The following ING3 variants were observed in gnomAD, a reference collection of about 807,000 sequenced individuals.
ING3 encodes inhibitor of growth family member 3.
A neutral mutation model predicts 64.8 loss-of-function variants in ING3; 6 were observed. That is an observed-to-expected ratio of 0.09 (90% CI 0.05 to 0.18). The LOEUF (loss-of-function observed/expected upper bound fraction) is 0.18, where lower values mean the gene tolerates loss of function less well. Among genes scored for constraint, ING3 ranks in the 10% least tolerant of loss-of-function variants. ING3 has a pLI of 1.00. For missense variants in ING3, 310 were observed against 489.7 expected (o/e 0.63, Z 3.46); for synonymous variants, 170 against 173.7 (o/e 0.98, Z 0.17).
At chr7:120,952,804 A>G (rs867491117) in intron 2 of ING3, among the ~76,000 whole-genome samples, 29 of 151,714 alleles carry the variant, frequency 1.9e-4, no homozygotes, top group Admixed American at 5.9e-4. Context: ...TAGTCTTGGC[A>G]TATAATTTGG....
intron 9 of ING3, 66 bp downstream of exon 9, chr7:120,969,270 C>A: frequency 1.6e-6 from 2 of 1,274,556 alleles, no homozygotes; most frequent in Non-Finnish European, 2.2e-6. Flanking sequence ...ACACTTCAGC[C>A]AGGCCTCTCT....
intron 6 of ING3, among the ~76,000 whole-genome samples, chr7:120,967,307 T>C (rs968189211): frequency 5.3e-5 from 8 of 152,174 alleles, no homozygotes; most frequent in African/African-American, 1.9e-4. Flanking sequence ...TTGGGTTATC[T>C]TTAGTACTTT....
At chr7:120,954,005 C>T (rs1394593085) in intron 3 of ING3, among the ~76,000 whole-genome samples, 1 of 152,122 alleles carries the variant, frequency 6.6e-6, no homozygotes, top group African/African-American at 2.4e-5. Context: ...GGGATGGATA[C>T]ATTGGAAAAA....
chr7:120,973,183 A>G (rs183058561), intron 10 of ING3, 22 bp from the exon 11 acceptor site: 2 of 1,369,220 alleles, frequency 1.5e-6, no homozygotes, highest in Non-Finnish European at 1.0e-6. Context: ...CATAATAAAG[A>G]CATTTAATTT....
In ING3 at chr7:120,950,801, C is replaced by T. The variant is rs1584984663; in HGVS notation, c.-96C>T. 1.2e-6 allele frequency: 1 copy of T among 856,510 alleles called. No homozygotes were observed. The highest frequency in any genetic ancestry group is 1.7e-6 in the Non-Finnish European group (1 of 591,556). 53.1% of individuals were successfully genotyped at this position (856,510 alleles called of 1,614,324 possible). On this transcript the variant is annotated 5_prime_UTR_variant, in exon 1 of 12. Transcript: ENST00000315870. ...GCCGGAGTCGAGCGGGTGCTGCTAG[C>T]GGAGGCGCCATATTGGAGGGGACAA...
At chr7:120,965,843 G>A (rs549407894) in intron 5 of ING3, among the ~76,000 whole-genome samples, 145 of 152,194 alleles carry the variant, frequency 9.5e-4, no homozygotes, top group African/African-American at 3.4e-3. Flanking sequence ...CCTATATAAA[G>A]ATAATAAGTA....
chr7:120,974,516 A>T (rs1796110441), intron 11 of ING3, among the ~76,000 whole-genome samples: 1 of 152,172 alleles, frequency 6.6e-6, no homozygotes, highest in Non-Finnish European at 1.5e-5. Flanking sequence ...ATTCTTGAAG[A>T]TGCATAATTT....
intron 4 of ING3, among the ~76,000 whole-genome samples, chr7:120,963,331 G>A (rs1795957017): frequency 6.6e-6 from 1 of 151,592 alleles, no homozygotes; most frequent in South Asian, 2.1e-4. Flanking sequence ...TTCAGTTTTT[G>A]AAAAAATCAC....
intron 4 of ING3, among the ~76,000 whole-genome samples, chr7:120,960,015 G>A (rs957328292): frequency 2.6e-5 from 4 of 152,206 alleles, no homozygotes; most frequent in African/African-American, 4.8e-5. Context: ...ATTGTAGAAA[G>A]AGAGGAAGGG....
At chr7:120,970,253 C>G (rs1796050049) in intron 9 of ING3, among the ~76,000 whole-genome samples, 1 of 152,068 alleles carries the variant, frequency 6.6e-6, no homozygotes, top group African/African-American at 2.4e-5. Context: ...ATCACGAGGT[C>G]AGGAGATCGA....
rs1375698324 is a variant in ING3 at position 120,974,860 on chromosome 7, T to C, written c.*16T>C. The stretch of plus-strand genomic sequence containing the variant: ...ACACAAATAAAGGTGGTCCTTTTGT[T>C]TGATGAAGAAATAAACTTCAGCTGA... On this transcript the variant is annotated 3_prime_UTR_variant, in exon 12 of 12. Transcript: ENST00000315870. The C allele has an allele frequency of 6.5e-7, 1 of 1,545,290 alleles. No individual in the cohort carries two copies. The highest frequency in any genetic ancestry group is 8.9e-7 in the Non-Finnish European group (1 of 1,126,268).
At chr7:120,960,856 C>G (rs891609200) in intron 4 of ING3, among the ~76,000 whole-genome samples, 4 of 152,136 alleles carry the variant, frequency 2.6e-5, no homozygotes, top group African/African-American at 9.7e-5. Flanking sequence ...GTTTCTCAGC[C>G]AGATGTCACT....
intron 9 of ING3, among the ~76,000 whole-genome samples, chr7:120,970,130 G>T (rs1421152235): frequency 1.3e-5 from 2 of 152,092 alleles, no homozygotes; most frequent in African/African-American, 2.4e-5. Context: ...GTGTGTGTGT[G>T]CTTTAGGTTT....
chr7:120,959,668 C>T lies in ING3; in HGVS notation c.267+4044C>T, dbSNP rs553438446. Among the ~76,000 whole-genome samples the T allele has an allele frequency of 4.9e-3, 451 of 92,932 alleles. 2 individuals are homozygous for T. The highest frequency in any genetic ancestry group is 7.8e-3 in the East Asian group (23 of 2,930). 61.0% of individuals were successfully genotyped at this position (92,932 alleles called of 152,430 possible). On this transcript the variant is annotated intron_variant, in intron 4 of 11. Transcript: ENST00000315870. ...TTTTTTTTTTTTTTTTTTTTTGAGACGGAGTCTCACTCTTTCGCCCAAGCT... is the reference window on the plus strand; with the variant it reads ...TTTTTTTTTTTTTTTTTTTTTGAGATGGAGTCTCACTCTTTCGCCCAAGCT...
chr7:120,966,726 T>TA (rs1256132774), intron 6 of ING3, 29 bp downstream of exon 6: 1 of 1,512,024 alleles, frequency 6.6e-7, no homozygotes, highest in South Asian at 1.1e-5. Context: ...AGCTAAGTTT[T>TA]AAAAACAATG....
At chr7:120,955,995 A>G in intron 4 of ING3, 2 of 616,588 alleles carry the variant, frequency 3.2e-6, no homozygotes, top group Admixed American at 2.9e-5. Context: ...AAATACACCT[A>G]AGAAGACTGC....
At chr7:120,962,350 A>G (rs1795944524) in intron 4 of ING3, among the ~76,000 whole-genome samples, 1 of 151,844 alleles carries the variant, frequency 6.6e-6, no homozygotes, top group Admixed American at 6.6e-5. Context: ...GCCTACCACA[A>G]GTGGTTAAGG....
chr7:120,966,912 G>A (rs1012969490), intron 6 of ING3, among the ~76,000 whole-genome samples: 2 of 152,058 alleles, frequency 1.3e-5, no homozygotes, highest in Non-Finnish European at 2.9e-5. Context: ...CGTAGAAGGA[G>A]AATGTATAGT....
At chr7:120,955,888 CAAG>C in intron 4 of ING3, 1 of 565,354 alleles carries the variant, frequency 1.8e-6, no homozygotes, top group African/African-American at 1.9e-5. Context: ...ATTTTTTAAA[CAAG>C]AATTAATGTT....
Sources: gnomAD v4.1 joint callset for allele counts (sites outside exome capture counted in the v4.1 genomes callset) on GRCh38, gnomAD v4.1.1 for gene constraint, MANE v1.5 for transcripts, NCBI Gene and HGNC (gene_info 2026-07-23, HGNC 2026-07-21) for gene names.